The following MDC1 variants were observed in gnomAD, a reference collection of about 807,000 sequenced individuals.
The protein encoded by MDC1 is mediator of DNA damage checkpoint 1, also known as mediator of DNA damage checkpoint protein 1.
Under a neutral mutation model 142.5 loss-of-function variants are expected in MDC1, and 81 were observed. The observed-to-expected ratio is 0.57, with a 90% CI of 0.47 to 0.68. MDC1 has a LOEUF of 0.68. Among genes scored for constraint, MDC1 ranks in the 30% least tolerant of loss-of-function variants. The pLI is 0.00. For missense variants in MDC1, 2,119 were observed against 2,547.9 expected (o/e 0.83, Z 3.62); for synonymous variants, 797 against 968.4 (o/e 0.82, Z 3.29).
In MDC1 at chr6:30,703,174, C is replaced by G. The variant is rs761516200; in HGVS notation, c.5795G>C (p.Arg1932Pro). Residue 1932 changes from arginine (R) to proline (P), a missense_variant, in exon 12 of 15, where the codon CGC becomes CCC. Arg to Pro is a moderately radical substitution (Grantham distance 103, BLOSUM62 -2). Transcript: ENST00000376406. The surrounding 1 kb of genome is among the most constrained non-coding windows in gnomAD (Gnocchi z 4.4). The stretch of plus-strand genomic sequence containing the variant: ...GGCACACAGGAACTTGACTGTCCGG[C>G]GGATGCGATCAGTGACCAGGTGGGA... The part of the protein sequence containing the change: ...EASHLVTDRI[R>P]RTVKFLCALG... 2 of 1,613,084 alleles carry G rather than the reference C, an allele frequency of 1.2e-6. No homozygotes were observed. Among genetic ancestry groups the G allele is most frequent in the Non-Finnish European group, 1.7e-6 (2 of 1,180,034 alleles).
rs147930059 is a variant in MDC1, at chr6:30,700,792, G to A, written c.6103-160C>T. Among the ~76,000 whole-genome samples the A allele has an allele frequency of 2.4e-4, 36 of 151,898 alleles. No individual in the cohort carries two copies. In the East Asian group the frequency reaches 6.9e-3, roughly 29 times the overall value. ...TCTATGAAATACTCTTGCTAGGCCG[G>A]GCGCAGTGGCTCATGCCTGTAATTA... On this transcript the variant is annotated intron_variant, in intron 14 of 14. Coordinates refer to ENST00000376406, the MANE Select transcript of MDC1 (RefSeq NM_014641.3).
rs1774070991 is a variant in MDC1 at position 30,707,468 on chromosome 6, A to C, written c.3014-14T>G. ...AATTCAGGAGGCCTAGACAGAAAGTAAACACAAAGGTGGCTGAGTTCCAAG... is the reference window on the plus strand; with the variant it reads ...AATTCAGGAGGCCTAGACAGAAAGTCAACACAAAGGTGGCTGAGTTCCAAG... On this transcript the variant is annotated splice_polypyrimidine_tract_variant and intron_variant, in intron 8 of 14. Coordinates refer to ENST00000376406, the MANE Select transcript of MDC1 (RefSeq NM_014641.3). The C allele has an allele frequency of 1.2e-6, 2 of 1,612,998 alleles. No homozygotes were observed. Among genetic ancestry groups the C allele is most frequent in the African/African-American group, 1.3e-5 (1 of 74,942 alleles).
At position 30,703,877 on chromosome 6, in the gene MDC1, G is replaced by C; in HGVS notation, c.5306C>G (p.Ala1769Gly). Residue 1769 changes from alanine (A) to glycine (G), a missense_variant, in exon 10 of 15, where the codon GCC (alanine) becomes GGC (glycine). By Grantham distance (60) the Ala-to-Gly change is moderately conservative. Coordinates refer to ENST00000376406, the MANE Select transcript of MDC1 (RefSeq NM_014641.3). The surrounding 1 kb of genome is among the most constrained non-coding windows in gnomAD (Gnocchi z 4.4). ...CTGGGGAGAGGCAGGCTCAGGAATG[G>C]CTGTAAGGGATTCAGCTGCTCTCAC... ...GAVRAAESLTAIPEPASPQLL... is the reference protein window; with the variant it reads ...GAVRAAESLTGIPEPASPQLL... 1 of 1,614,148 alleles carries C rather than the reference G, an allele frequency of 6.2e-7. No homozygotes were observed. The highest frequency in any genetic ancestry group is 1.7e-5 in the Admixed American group (1 of 60,004).
At position 30,705,867 on chromosome 6, in the gene MDC1, TA is replaced by T; in HGVS notation, c.3315del (p.Ile1107LeufsTer9). ...SSELEPFHPK[P>X]KIRTRKSSRM... ...CTGGAGGACTTCCGAGTTCTAATTT[TA>T]GGCTTTGGGTGGAAAGGCTCCAGCT... On this transcript the variant is annotated frameshift_variant, in exon 10 of 15. Transcript: ENST00000376406. LOFTEE classifies it high-confidence loss of function. 6.2e-7 allele frequency: 1 copy of T among 1,610,918 alleles called. No individual in the cohort carries two copies. Among genetic ancestry groups the T allele is most frequent in the Non-Finnish European group, 8.5e-7 (1 of 1,178,466 alleles).
Position 30,700,353 on chromosome 6 carries a change from A to G in MDC1, c.*112T>C. ...TTCATAAAGATTTCTGGTCCCACCCATGTTCCAGGACAAGTTGTATCAATA... is the reference window on the plus strand; with the variant it reads ...TTCATAAAGATTTCTGGTCCCACCCGTGTTCCAGGACAAGTTGTATCAATA... On this transcript the variant is annotated 3_prime_UTR_variant, in exon 15 of 15. Coordinates refer to ENST00000376406, the MANE Select transcript of MDC1 (RefSeq NM_014641.3). The G allele has an allele frequency of 9.2e-7, 1 of 1,083,870 alleles. No homozygotes were observed. The highest frequency in any genetic ancestry group is 2.6e-5 in the East Asian group (1 of 39,052). The allele number at this position is 1,083,870 out of a possible 1,614,324, so 67.1% of individuals were successfully genotyped here. A position where few individuals can be genotyped will look rare whatever the true frequency, so the allele number is the denominator to read the frequency against.
rs771194330 is a variant in MDC1 at position 30,713,170 on chromosome 6, G to A, written c.772C>T (p.Leu258Phe). 1 of 1,612,988 alleles carries A rather than the reference G, an allele frequency of 6.2e-7. No individual in the cohort carries two copies. Among genetic ancestry groups the A allele is most frequent in the South Asian group, 1.1e-5 (1 of 91,082 alleles). Residue 258 changes from leucine to phenylalanine, a missense_variant, in exon 5 of 15, where the codon CTT (leucine) becomes TTT (phenylalanine). Transcript: ENST00000376406. This position sits in a 1 kb window ranked among gnomAD's most constrained non-coding sequence, Gnocchi z 4.9. ...SEAEVVTEIQ[L>F]EKDQPLVKER... Reference sequence around the variant, plus strand: ...TTCACTAAAGGCTGATCCTTTTCAAGCTGGATTTCAGTTACAACTTCAGCT... The same window carrying A: ...TTCACTAAAGGCTGATCCTTTTCAAACTGGATTTCAGTTACAACTTCAGCT...
Position 30,705,067 on chromosome 6 carries a change from C to G in MDC1, c.4116G>C (p.Glu1372Asp), listed in dbSNP as rs1773514709. 1 of 1,612,622 alleles carries G rather than the reference C, an allele frequency of 6.2e-7. No homozygotes were observed. Among genetic ancestry groups the G allele is most frequent in the South Asian group, 1.1e-5 (1 of 90,990 alleles). Residue 1372 changes from glutamate (E) to aspartate (D), a missense_variant, in exon 10 of 15, where the codon GAG (glutamate) becomes GAC (aspartate). Transcript: ENST00000376406. Reference sequence around the variant, plus strand: ...GCTCTGTGGAGGTGGAAGGTGGGAGCTCAGGGGCTATAGGGACAGTTGATT... The same window carrying G: ...GCTCTGTGGAGGTGGAAGGTGGGAGGTCAGGGGCTATAGGGACAGTTGATT... ...NPESTVPIAP[E>D]LPPSTSTEQP...
Position 30,703,460 on chromosome 6 carries a change from G to T in MDC1, c.5640C>A (p.Ser1880Arg), listed in dbSNP as rs1415756270. 1 of 1,613,948 alleles carries T rather than the reference G, an allele frequency of 6.2e-7. No individual in the cohort carries two copies. The highest frequency in any genetic ancestry group is 8.5e-7 in the Non-Finnish European group (1 of 1,180,042). Reference sequence around the variant, plus strand: ...CTTGGTTAAGTTTGGTCCGTCGGAGGCTGCGGCTTGGTATTCTGTTGGGCT... The same window carrying T: ...CTTGGTTAAGTTTGGTCCGTCGGAGTCTGCGGCTTGGTATTCTGTTGGGCT... ...EEEPNRIPSR[S>R]LRRTKLNQES... The change falls in exon 11 of 15, where the codon AGC (serine) becomes AGA (arginine). Residue 1880 changes from serine to arginine, a missense_variant. Coordinates refer to ENST00000376406, the MANE Select transcript of MDC1 (RefSeq NM_014641.3). This position sits in a 1 kb window ranked among gnomAD's most constrained non-coding sequence, Gnocchi z 4.4.
intron 1 of MDC1, chr6:30,717,019 C>A: frequency 1.7e-6 from 1 of 594,690 alleles, no homozygotes; most frequent in Non-Finnish European, 2.1e-6. Context: ...TTCAAAGAGC[C>A]ACCATCTTTG....
chr6:30,715,852 TAAAG>T lies in MDC1; in HGVS notation c.-3-678_-3-675del, dbSNP rs1482412545. Among the ~76,000 whole-genome samples, 1 of 152,242 alleles carries T rather than the reference TAAAG, an allele frequency of 6.6e-6. No homozygotes were observed. Among genetic ancestry groups the T allele is most frequent in the African/African-American group, 2.4e-5 (1 of 41,464 alleles). ...TATTACTATCTTCCATTTCTTCAGA[TAAAG>T]AAACTGCAACATAGCTGGGTTAAGA... On this transcript the variant is annotated intron_variant, in intron 1 of 14. Coordinates refer to ENST00000376406, the MANE Select transcript of MDC1 (RefSeq NM_014641.3). This position sits in a 1 kb window ranked among gnomAD's most constrained non-coding sequence, Gnocchi z 4.1.
At position 30,707,700 on chromosome 6, in the gene MDC1, C is replaced by A. The variant is rs1774130174; in HGVS notation, c.2879G>T (p.Gly960Val). Residue 960 changes from glycine (G) to valine (V), a missense_variant, in exon 8 of 15, where the codon GGG (glycine) becomes GTG (valine). Gly to Val is a moderately radical substitution (Grantham distance 109, BLOSUM62 -3). Coordinates refer to ENST00000376406, the MANE Select transcript of MDC1 (RefSeq NM_014641.3). ...CTCTGGTGTTGGGCTGGAGGCCTGC[C>A]CTTTCTGGTCCTGGCTCCCTCCCTC... ...EPEGGSQDQK[G>V]QASSPTPEPG... 1 of 1,612,974 alleles carries A rather than the reference C, an allele frequency of 6.2e-7. No homozygotes were observed. The highest frequency in any genetic ancestry group is 8.5e-7 in the Non-Finnish European group (1 of 1,180,044).
chr6:30,708,400 AAAAGAGGGAGAG>A, intron 7 of MDC1, 43 bp from the exon 8 acceptor site: 1 of 1,523,864 alleles, frequency 6.6e-7, no homozygotes, highest in Non-Finnish European at 9.0e-7. Flanking sequence ...AGAGGGAGAG[AAAAGAGGGAGAG>A]GAAGAGGGAA....
Position 30,700,592 on chromosome 6 carries a change from T to C in MDC1, c.6143A>G (p.His2048Arg). ...CCCAACCCGTAGTGGAATGGAGCAA[T>C]GAGGGAAGTCCTGAGGGCATGTGAT... Reference protein sequence around the residue: ...VVITCPQDFPHCSIPLRVGLP... With the variant: ...VVITCPQDFPRCSIPLRVGLP... The change falls in exon 15 of 15, where the codon CAT (histidine) becomes CGT (arginine). Residue 2048 changes from histidine to arginine, a missense_variant. Transcript: ENST00000376406. The C allele has an allele frequency of 1.2e-6, 2 of 1,612,688 alleles. No individual in the cohort carries two copies. Among genetic ancestry groups the C allele is most frequent in the Non-Finnish European group, 1.7e-6 (2 of 1,179,928 alleles).
chr6:30,702,278 A>G (rs1296968746), intron 14 of MDC1, among the ~76,000 whole-genome samples: 1 of 151,246 alleles, frequency 6.6e-6, no homozygotes, highest in South Asian at 2.1e-4. Context: ...AAAAAAAAAA[A>G]AAAGAAAATC....
intron 8 of MDC1, 40 bp from the exon 9 acceptor site, chr6:30,707,494 C>T: frequency 6.2e-7 from 1 of 1,613,050 alleles, no homozygotes; most frequent in Non-Finnish European, 8.5e-7. Context: ...GAGTTCCAAG[C>T]AGCTGGTTGC....
rs61754764 is a variant in MDC1 at position 30,713,313 on chromosome 6, G to A, written c.629C>T (p.Pro210Leu). The A allele has an allele frequency of 3.2e-4, 512 of 1,595,798 alleles. 3 individuals carry two copies. The highest frequency in any genetic ancestry group is 4.9e-4 in the South Asian group (44 of 89,056). ...ACTGTTCAAATTGAAGGCAAAAGGC[G>A]GCCCAAGGCCGCCCAGGACCGGGGA... The part of the protein sequence containing the change: ...GHSPVLGGLG[P>L]PFAFNLNSDT... Residue 210 changes from proline (P) to leucine (L), a missense_variant, in exon 5 of 15, where the codon CCG becomes CTG. Pro to Leu is a moderately conservative substitution (Grantham distance 98). Transcript: ENST00000376406. The surrounding 1 kb of genome is among the most constrained non-coding windows in gnomAD (Gnocchi z 4.9).
intron 9 of MDC1, 52 bp from the exon 10 acceptor site, chr6:30,706,150 AACT>A (rs1773769074): frequency 2.1e-6 from 3 of 1,417,262 alleles, no homozygotes; most frequent in Non-Finnish European, 2.8e-6. Context: ...AAAGAGATAG[AACT>A]TGGATACTGT....
chr6:30,701,984 C>G (rs190829174), intron 14 of MDC1, among the ~76,000 whole-genome samples: 1 of 151,620 alleles, frequency 6.6e-6, no homozygotes, highest in Non-Finnish European at 1.5e-5. Flanking sequence ...AGGAAAAAGC[C>G]GGGCGCGGTG....
Position 30,704,420 on chromosome 6 carries a change from A to C in MDC1, c.4763T>G (p.Val1588Gly). The part of the protein sequence containing the change: ...LQPSTSRNQL[V>G]TPEPTSRATR... ...GGCCCGAGATGTGGGCTCAGGGGTG[A>C]CAAGCTGGTTTCTGGAGGTGGAAGG... is the stretch of plus-strand genomic sequence containing the variant. Residue 1588 changes from valine to glycine, a missense_variant, in exon 10 of 15, where the codon GTC becomes GGC. Physicochemically the swap from Val to Gly is moderately radical, Grantham distance 109. Coordinates refer to ENST00000376406, the MANE Select transcript of MDC1 (RefSeq NM_014641.3). 6.2e-7 allele frequency: 1 copy of C among 1,612,228 alleles called. No homozygotes were observed. The highest frequency in any genetic ancestry group is 8.5e-7 in the Non-Finnish European group (1 of 1,179,544).
Sources: gnomAD v4.1 joint callset for allele counts (sites outside exome capture counted in the v4.1 genomes callset) on GRCh38, gnomAD v4.1.1 for gene constraint, Gnocchi (gnomAD v3.1) non-coding constraint, MANE v1.5 for transcripts, NCBI Gene and HGNC (gene_info 2026-07-23, HGNC 2026-07-21) for gene names.